SLC22A16: variants seen among roughly 807,000 people sequenced by gnomAD.
The protein encoded by SLC22A16 is solute carrier family 22 member 16.
In SLC22A16, 53 loss-of-function variants were observed where a neutral mutation model predicts 52.9. That is an observed-to-expected ratio of 1.00 (90% CI 0.80 to 1.26). The LOEUF (loss-of-function observed/expected upper bound fraction) is 1.26. Ranked by LOEUF, SLC22A16 falls within the 50% of genes most tolerant of loss-of-function variation. SLC22A16 has a pLI of 0.00. For synonymous variants in SLC22A16, 291 were observed against 268.8 expected, an observed-to-expected ratio of 1.08 and a Z score of -0.81; for missense variants, 726 against 704.0, an observed-to-expected ratio of 1.03 and a Z score of -0.35.
At chr6:110,444,273 G>T (rs961113584) in intron 3 of SLC22A16, among the ~76,000 whole-genome samples, 6 of 152,078 alleles carry the variant, frequency 3.9e-5, no homozygotes, top group Non-Finnish European at 1.5e-5. Flanking sequence ...CCATTGATGG[G>T]TTTTTTGGGA....
chr6:110,458,212 C>T lies in SLC22A16; in HGVS notation c.54-1195G>A, dbSNP rs144910142. 2.9e-3 allele frequency among the ~76,000 whole-genome samples: 439 copies of T among 152,328 alleles called. 1 individual carries two copies. The highest frequency in any genetic ancestry group is 0.01 in the African/African-American group (429 of 41,572). ...GGAAGGGCCCCCTGTCCACTGGACA[C>T]GTGACCCACGTGACCTTACCTATCA... On this transcript the variant is annotated intron_variant, in intron 1 of 7. Transcript: ENST00000368919.
At chr6:110,443,964 A>G (rs575799576) in intron 3 of SLC22A16, among the ~76,000 whole-genome samples, 1 of 152,316 alleles carries the variant, frequency 6.6e-6, no homozygotes, top group East Asian at 1.9e-4. Flanking sequence ...GGCTAGGGAG[A>G]CAGGGAACAG....
chr6:110,468,033 T>A (rs1292964873), intron 1 of SLC22A16, among the ~76,000 whole-genome samples: 1 of 152,218 alleles, frequency 6.6e-6, no homozygotes, highest in Non-Finnish European at 1.5e-5. Flanking sequence ...TTAAATGGAA[T>A]GAATTTGAAG....
chr6:110,454,887 TA>T (rs1351343513), intron 2 of SLC22A16, among the ~76,000 whole-genome samples: 1 of 84,618 alleles, frequency 1.2e-5, no homozygotes, highest in African/African-American at 5.1e-5. Context: ...ATATATATTA[TA>T]ATATATATAA....
In SLC22A16 at chr6:110,457,482, C is replaced by T. The variant is rs145565595; in HGVS notation, c.54-465G>A. Reference sequence around the variant, plus strand: ...TGTGGGTGGCAAGCCACCCAGGTGCCGAGGCAAGAGACCGAGCACGAGCTG... The same window carrying T: ...TGTGGGTGGCAAGCCACCCAGGTGCTGAGGCAAGAGACCGAGCACGAGCTG... On this transcript the variant is annotated intron_variant, in intron 1 of 7. Transcript: ENST00000368919. Among the ~76,000 whole-genome samples the T allele has an allele frequency of 1.7e-3, 257 of 152,040 alleles. 1 individual carries two copies. The highest frequency in any genetic ancestry group is 5.9e-3 in the African/African-American group (246 of 41,466).
At chr6:110,446,763 AG>A in intron 3 of SLC22A16, 109 bp downstream of exon 3, 1 of 915,712 alleles carries the variant, frequency 1.1e-6, no homozygotes. Context: ...GAGTGGACAA[AG>A]ATGAGTCCTT....
rs554263356 is a variant in SLC22A16, at chr6:110,431,240, C to T, written c.1452G>A (p.Val484=). The change falls in exon 7 of 8, where the codon GTG becomes GTA. Residue 484 remains valine (V), a synonymous_variant. Coordinates refer to ENST00000368919, the MANE Select transcript of SLC22A16 (RefSeq NM_033125.4). The stretch of plus-strand genomic sequence containing the variant: ...GCGCCAGGATGCTGGCCAGGCGACA[C>T]ACCATGCTGCCGCTTCCCACAGCCA... ...RSLAVGSGSM[V]CRLASILAPF... 1 of 1,613,182 alleles carries T rather than the reference C, an allele frequency of 6.2e-7. No homozygotes were observed. The highest frequency in any genetic ancestry group is 8.5e-7 in the Non-Finnish European group (1 of 1,179,962).
rs1316028509 is a variant in SLC22A16, at chr6:110,435,433, G to C, written c.1421+419C>G. Among the ~76,000 whole-genome samples the C allele has an allele frequency of 2.0e-5, 3 of 152,196 alleles. No individual in the cohort carries two copies. In the East Asian group the frequency reaches 5.8e-4, roughly 29 times the overall value. On this transcript the variant is annotated intron_variant, in intron 6 of 7. Coordinates refer to ENST00000368919, the MANE Select transcript of SLC22A16 (RefSeq NM_033125.4). ...CCAAACCTGCCGACACCTTGTTCTT[G>C]GACTTCCAGCCTCCAGTACTGTGAG...
At chr6:110,436,277 A>C (rs543695272) in intron 5 of SLC22A16, among the ~76,000 whole-genome samples, 4 of 152,264 alleles carry the variant, frequency 2.6e-5, no homozygotes, top group South Asian at 2.1e-4. Flanking sequence ...TGGCACCAAG[A>C]ATTTCCCCAC....
intron 4 of SLC22A16, among the ~76,000 whole-genome samples, chr6:110,441,698 C>T (rs1167985668): frequency 6.6e-6 from 1 of 152,198 alleles, no homozygotes; most frequent in Non-Finnish European, 1.5e-5. Context: ...AGTCCTTCTC[C>T]TCCATGACAA....
intron 1 of SLC22A16, among the ~76,000 whole-genome samples, chr6:110,461,926 C>T (rs995489469): frequency 9.2e-5 from 14 of 152,202 alleles, no homozygotes; most frequent in African/African-American, 3.4e-4. Flanking sequence ...CATACCAAGA[C>T]TGGGCAATTT....
At chr6:110,438,975 T>C (rs1272670073) in intron 4 of SLC22A16, 128 bp from the exon 5 acceptor site, 2 of 1,188,724 alleles carry the variant, frequency 1.7e-6, no homozygotes, top group African/African-American at 1.6e-5. Context: ...TTAGAAACTC[T>C]CTAAGAATTG....
chr6:110,425,240 T>C (rs1280172588), intron 7 of SLC22A16, 155 bp from the exon 8 acceptor site: 1 of 1,519,148 alleles, frequency 6.6e-7, no homozygotes, highest in Non-Finnish European at 8.8e-7. Flanking sequence ...TGGTTACTTG[T>C]GCTGGACTTC....
At chr6:110,443,994 C>T (rs1015257232) in intron 3 of SLC22A16, among the ~76,000 whole-genome samples, 3 of 152,150 alleles carry the variant, frequency 2.0e-5, no homozygotes, top group Admixed American at 6.5e-5. Flanking sequence ...ATTCAATGGA[C>T]AGAGTTTCAG....
At chr6:110,429,302 C>A (rs1049945650) in intron 7 of SLC22A16, among the ~76,000 whole-genome samples, 5 of 152,156 alleles carry the variant, frequency 3.3e-5, no homozygotes, top group Non-Finnish European at 7.4e-5. Flanking sequence ...GGATCTAACA[C>A]CCCAATGGCA....
intron 1 of SLC22A16, among the ~76,000 whole-genome samples, chr6:110,474,658 C>T (rs1205908552): frequency 6.6e-6 from 1 of 152,174 alleles, no homozygotes; most frequent in Non-Finnish European, 1.5e-5. Flanking sequence ...ACCCATTTGC[C>T]CCCTCTTCAC....
At chr6:110,443,212 T>G (rs1028131083) in intron 3 of SLC22A16, among the ~76,000 whole-genome samples, 1 of 152,172 alleles carries the variant, frequency 6.6e-6, no homozygotes, top group Non-Finnish European at 1.5e-5. Flanking sequence ...AAATTCTATT[T>G]TGACAGGCAA....
chr6:110,465,038 A>G (rs1436408189), intron 1 of SLC22A16, among the ~76,000 whole-genome samples: 1 of 151,920 alleles, frequency 6.6e-6, no homozygotes, highest in Non-Finnish European at 1.5e-5. Context: ...AAAACAAAAG[A>G]CATAAGGTCA....
At chr6:110,447,083 T>C in intron 2 of SLC22A16, 93 bp from the exon 3 acceptor site, 2 of 950,388 alleles carry the variant, frequency 2.1e-6, no homozygotes, top group East Asian at 2.4e-5. Context: ...GCATTACCTA[T>C]ATACCTTGAA....
Sources: gnomAD v4.1 joint callset for allele counts (sites outside exome capture counted in the v4.1 genomes callset) on GRCh38, gnomAD v4.1.1 for gene constraint, MANE v1.5 for transcripts, NCBI Gene and HGNC (gene_info 2026-07-23, HGNC 2026-07-21) for gene names.